The following PTPN2 variants were observed in gnomAD, a reference collection of about 807,000 sequenced individuals.
PTPN2 encodes protein tyrosine phosphatase non-receptor type 2.
In PTPN2, 19 loss-of-function variants were observed where a neutral mutation model predicts 57.3. The ratio of observed to expected loss-of-function variants is 0.33; its 90% CI spans 0.23 to 0.49. The LOEUF is 0.49. Ranked by LOEUF, PTPN2 falls within the 20% of genes least tolerant of loss-of-function variation. The probability of loss-of-function intolerance (pLI) is 0.99; values close to 1 mark genes in which losing one functional copy is unlikely to be tolerated. For synonymous variants in PTPN2, 153 were observed against 164.9 expected, an observed-to-expected ratio of 0.93 and a Z score of 0.55; for missense variants, 358 against 501.1, an observed-to-expected ratio of 0.71 and a Z score of 2.73.
chr18:12,793,324 G>A lies in PTPN2; in HGVS notation c.*954C>T. 3 of 973,916 alleles carry A rather than the reference G, an allele frequency of 3.1e-6. No homozygotes were observed. The highest frequency in any genetic ancestry group is 3.7e-6 in the Non-Finnish European group (3 of 819,062). 60.3% of individuals were successfully genotyped at this position (973,916 alleles called of 1,614,324 possible). A position where few individuals can be genotyped will look rare whatever the true frequency, so the allele number is the denominator to read the frequency against. On this transcript the variant is annotated 3_prime_UTR_variant, in exon 9 of 9. Coordinates refer to ENST00000309660, the MANE Select transcript of PTPN2 (RefSeq NM_002828.4). ...GTGTTTACTTCAAAACTTCAGTCTA[G>A]TAAACTGAAATTATGAATCATAAAA...
At chr18:12,809,049 A>C (rs2041798614) in intron 7 of PTPN2, among the ~76,000 whole-genome samples, 1 of 152,136 alleles carries the variant, frequency 6.6e-6, no homozygotes, top group African/African-American at 2.4e-5. Flanking sequence ...AAAGGACTTT[A>C]ATTTGGTTGT....
At chr18:12,794,574 C>T in intron 8 of PTPN2, 89 bp from the exon 9 acceptor site, 1 of 1,450,410 alleles carries the variant, frequency 6.9e-7, no homozygotes, top group Non-Finnish European at 9.3e-7. Flanking sequence ...CAAATAAAAC[C>T]ATCCACATAG....
intron 4 of PTPN2, among the ~76,000 whole-genome samples, chr18:12,826,457 C>T (rs1598798761): frequency 6.6e-6 from 1 of 152,294 alleles, no homozygotes. Flanking sequence ...TATGTGTGTG[C>T]AGTCATCACT....
intron 5 of PTPN2, among the ~76,000 whole-genome samples, chr18:12,822,650 T>G (rs1327255427): frequency 1.3e-5 from 2 of 152,298 alleles, no homozygotes; most frequent in African/African-American, 2.4e-5. Flanking sequence ...CTCCCTTAGA[T>G]GCAAACTGGA....
In PTPN2 at chr18:12,868,018, C is replaced by A. The variant is rs192985651; in HGVS notation, c.70-8764G>T. On this transcript the variant is annotated intron_variant, in intron 1 of 8. Coordinates refer to ENST00000309660, the MANE Select transcript of PTPN2 (RefSeq NM_002828.4). ...AATACACACATCAGTTCTTAACCCA[C>A]ACCTGTGTGGCCGCTTACACTGTTC... 8.0e-4 allele frequency among the ~76,000 whole-genome samples: 122 copies of A among 152,324 alleles called. 2 individuals carry two copies. The highest frequency in any genetic ancestry group is 2.8e-3 in the African/African-American group (115 of 41,580).
At position 12,794,101 on chromosome 18, in the gene PTPN2, C is replaced by A; in HGVS notation, c.*177G>T. 1 of 1,434,492 alleles carries A rather than the reference C, an allele frequency of 7.0e-7. No individual in the cohort carries two copies. The highest frequency in any genetic ancestry group is 1.5e-5 in the South Asian group (1 of 65,072). 88.9% of individuals were successfully genotyped at this position (1,434,492 alleles called of 1,614,324 possible). On this transcript the variant is annotated 3_prime_UTR_variant, in exon 9 of 9. Transcript: ENST00000309660. ...ATTTACAGTTTGGGGTTCAGAGGAA[C>A]CTGCAGTCAAGAGTCCTGAGATGTT...
intron 1 of PTPN2, among the ~76,000 whole-genome samples, chr18:12,881,691 A>C (rs2044671906): frequency 6.6e-6 from 1 of 152,056 alleles, no homozygotes; most frequent in Admixed American, 6.6e-5. Flanking sequence ...AATGTCTTTC[A>C]AGACTTAGGT....
chr18:12,856,707 A>G (rs1262197504), intron 2 of PTPN2, among the ~76,000 whole-genome samples: 3 of 152,232 alleles, frequency 2.0e-5, no homozygotes, highest in Non-Finnish European at 2.9e-5. Context: ...TATATACTTG[A>G]GGATAACTTA....
At chr18:12,868,339 C>T (rs538595300) in intron 1 of PTPN2, among the ~76,000 whole-genome samples, 1 of 152,134 alleles carries the variant, frequency 6.6e-6, no homozygotes, top group African/African-American at 2.4e-5. Context: ...CTGTAACCTC[C>T]GCCTCCCGGG....
chr18:12,806,875 T>C (rs951820570), intron 7 of PTPN2, among the ~76,000 whole-genome samples: 1 of 152,158 alleles, frequency 6.6e-6, no homozygotes, highest in Non-Finnish European at 1.5e-5. Flanking sequence ...CTTCAGGACA[T>C]TGGTCTGGGC....
chr18:12,872,105 T>C (rs2044288634), intron 1 of PTPN2: 1 of 151,222 alleles, frequency 6.6e-6, no homozygotes, highest in South Asian at 2.1e-4. Context: ...ACAAAAAACA[T>C]AGAACAGAAG....
chr18:12,801,756 A>G, intron 8 of PTPN2: 2 of 512,078 alleles, frequency 3.9e-6, no homozygotes, highest in Non-Finnish European at 7.0e-6. Flanking sequence ...TTCTGTAGAG[A>G]TAAGGTCTCA....
chr18:12,837,567 C>T (rs1361062706), intron 2 of PTPN2, among the ~76,000 whole-genome samples: 2 of 152,102 alleles, frequency 1.3e-5, no homozygotes, highest in Admixed American at 1.3e-4. Context: ...TGACCTTATA[C>T]ATTTAGATGG....
chr18:12,846,055 T>G (rs2043195445), intron 2 of PTPN2, among the ~76,000 whole-genome samples: 1 of 152,208 alleles, frequency 6.6e-6, no homozygotes, highest in Non-Finnish European at 1.5e-5. Flanking sequence ...CCATTTGAGT[T>G]GTCAGATATC....
intron 2 of PTPN2, among the ~76,000 whole-genome samples, chr18:12,847,393 C>T (rs1371057924): frequency 6.6e-6 from 1 of 152,138 alleles, no homozygotes; most frequent in Non-Finnish European, 1.5e-5. Flanking sequence ...TTGGGCTTAA[C>T]ACAGGATAAA....
Position 12,836,847 on chromosome 18 carries a change from T to C in PTPN2, c.205A>G (p.Ile69Val), listed in dbSNP as rs2042883173. The C allele has an allele frequency of 6.2e-7, 1 of 1,611,636 alleles. No homozygotes were observed. The highest frequency in any genetic ancestry group is 8.5e-7 in the Non-Finnish European group (1 of 1,179,338). Residue 69 changes from isoleucine to valine, a missense_variant, in exon 3 of 9, where the codon ATT becomes GTT. Physicochemically the swap from Ile to Val is conservative, Grantham distance 29 (BLOSUM62 3). This residue lies in a region of PTPN2 where 193 missense variants were observed against 315.4 expected (regional missense o/e 0.61). Transcript: ENST00000309660. The part of the protein sequence containing the change: ...VKLQNAENDY[I>V]NASLVDIEEA... ...TCTATGTCAACTAAACTGGCATTAA[T>C]ATAATCATTCTCAGCATTTTGCAGT...
chr18:12,850,819 A>C (rs2043368215), intron 2 of PTPN2, among the ~76,000 whole-genome samples: 1 of 151,886 alleles, frequency 6.6e-6, no homozygotes, highest in Non-Finnish European at 1.5e-5. Context: ...GGCTCACCGC[A>C]ACCTCTGCCT....
intron 2 of PTPN2, among the ~76,000 whole-genome samples, chr18:12,858,506 T>C (rs2043674864): frequency 6.6e-6 from 1 of 152,034 alleles, no homozygotes; most frequent in African/African-American, 2.4e-5. Context: ...AGGGAACTTA[T>C]GCAAAAGAGT....
intron 1 of PTPN2, among the ~76,000 whole-genome samples, chr18:12,878,293 G>A (rs1392678082): frequency 6.6e-6 from 1 of 151,400 alleles, no homozygotes; most frequent in Non-Finnish European, 1.5e-5. Context: ...CTCCAGACTG[G>A]GTGACAAAGT....
Sources: allele counts gnomAD v4.1 joint callset (sites outside exome capture counted in the v4.1 genomes callset), GRCh38; gene constraint gnomAD v4.1.1; regional missense constraint gnomAD v4.1.1; transcripts MANE v1.5; gene names NCBI Gene and HGNC (gene_info 2026-07-23, HGNC 2026-07-21).